KHDRBS3: variants seen among roughly 807,000 people sequenced by gnomAD.
KHDRBS3 encodes the protein KH RNA binding domain containing, signal transduction associated 3.
In KHDRBS3, 23 loss-of-function variants were observed where a neutral mutation model predicts 45.6. The ratio of observed to expected loss-of-function variants is 0.50; its 90% CI spans 0.36 to 0.72. The LOEUF (loss-of-function observed/expected upper bound fraction) is 0.72, where lower values mean the gene tolerates loss of function less well. Ranked by LOEUF, KHDRBS3 falls within the 30% of genes least tolerant of loss-of-function variation. KHDRBS3 has a pLI of 0.00. For synonymous variants in KHDRBS3, 162 were observed against 156.5 expected (o/e 1.04, Z -0.26); for missense variants, 352 against 424.8 (o/e 0.83, Z 1.51).
intron 5 of KHDRBS3, among the ~76,000 whole-genome samples, chr8:135,558,900 C>T (rs552557326): frequency 9.2e-5 from 14 of 152,216 alleles, no homozygotes; most frequent in South Asian, 2.1e-4. Context: ...TCCCTGGAGG[C>T]TCTAGGGGAG....
At position 135,608,974 on chromosome 8, in the gene KHDRBS3, G is replaced by A. The variant is rs547061206; in HGVS notation, c.890+1937G>A. On this transcript the variant is annotated intron_variant, in intron 7 of 8. Coordinates refer to ENST00000355849, the MANE Select transcript of KHDRBS3 (RefSeq NM_006558.3). ...AGGTCACTTACCATGAATGCAGCTC[G>A]AAGGACTGGAAGTTGCTCTTGGGTG... 3.1e-4 allele frequency among the ~76,000 whole-genome samples: 47 copies of A among 152,304 alleles called. 1 individual carries two copies. Among genetic ancestry groups the A allele is most frequent in the East Asian group, 9.7e-4 (5 of 5,176 alleles).
Position 135,542,636 on chromosome 8 carries a change from G to A in KHDRBS3, c.208-18G>A, listed in dbSNP as rs1554625598. ...TTCACATATAAATGCTACAAATTTG[G>A]TTGTTTATTTTTCCTAGTTCAACTT... On this transcript the variant is annotated intron_variant, in intron 2 of 8. Coordinates refer to ENST00000355849, the MANE Select transcript of KHDRBS3 (RefSeq NM_006558.3). 2.0e-6 allele frequency: 3 copies of A among 1,516,950 alleles called. No homozygotes were observed. The highest frequency in any genetic ancestry group is 2.7e-6 in the Non-Finnish European group (3 of 1,092,494). 94.0% of individuals were successfully genotyped at this position (1,516,950 alleles called of 1,614,324 possible). A position where few individuals can be genotyped will look rare whatever the true frequency, so the allele number is the denominator to read the frequency against.
chr8:135,457,991 T>C lies in KHDRBS3; in HGVS notation c.88+37T>C. 1 of 1,540,650 alleles carries C rather than the reference T, an allele frequency of 6.5e-7. No individual in the cohort carries two copies. Among genetic ancestry groups the C allele is most frequent in the Non-Finnish European group, 8.7e-7 (1 of 1,144,450 alleles). ...GCCGTTAACTGCCGGCCGGCGGCGG[T>C]TGGGGGCCGGGTGGAAACGCGGGGG... On this transcript the variant is annotated intron_variant, in intron 1 of 8. Coordinates refer to ENST00000355849, the MANE Select transcript of KHDRBS3 (RefSeq NM_006558.3). This position sits in a 1 kb window ranked among gnomAD's most constrained non-coding sequence, Gnocchi z 4.4.
chr8:135,475,212 A>G (rs1363690580), intron 1 of KHDRBS3, among the ~76,000 whole-genome samples: 1 of 152,198 alleles, frequency 6.6e-6, no homozygotes, highest in Non-Finnish European at 1.5e-5. Flanking sequence ...GGAGGTTAGT[A>G]TGTGGATGTC....
intron 2 of KHDRBS3, among the ~76,000 whole-genome samples, chr8:135,526,677 A>G (rs1825205736): frequency 6.6e-6 from 1 of 152,292 alleles, no homozygotes; most frequent in South Asian, 2.1e-4. Context: ...GGGGCAAGAG[A>G]GAACTACTGT....
rs1025460039 is a variant in KHDRBS3 at position 135,647,126 on chromosome 8, C to A, written c.*42C>A. ...TGTGAAATAGCCAATCTCCACCAGT[C>A]CTGTATACTGTTCAAAGTAATTTTT... is the stretch of plus-strand genomic sequence containing the variant. On this transcript the variant is annotated 3_prime_UTR_variant, in exon 9 of 9. Transcript: ENST00000355849. 5.1e-6 allele frequency: 5 copies of A among 984,802 alleles called. No individual in the cohort carries two copies. Among genetic ancestry groups the A allele is most frequent in the Non-Finnish European group, 8.0e-6 (5 of 625,740 alleles). The allele number at this position is 984,802 out of a possible 1,614,324, so 61.0% of individuals were successfully genotyped here. A position where few individuals can be genotyped will look rare whatever the true frequency, so the allele number is the denominator to read the frequency against.
At chr8:135,651,446 T>C (rs908420569), downstream of KHDRBS3, among the ~76,000 whole-genome samples, 2 of 152,108 alleles carry the variant, frequency 1.3e-5, no homozygotes, top group South Asian at 2.1e-4. Context: ...AACATGATCA[T>C]TGAGGAAACT....
At chr8:135,612,831 A>G (rs1325620535) in intron 7 of KHDRBS3, among the ~76,000 whole-genome samples, 4 of 151,870 alleles carry the variant, frequency 2.6e-5, no homozygotes, top group African/African-American at 9.7e-5. Context: ...GCCAGTCCAG[A>G]TTGAGATGTG....
intron 7 of KHDRBS3, among the ~76,000 whole-genome samples, chr8:135,642,552 A>G (rs1831105850): frequency 6.6e-6 from 1 of 152,146 alleles, no homozygotes; most frequent in Non-Finnish European, 1.5e-5. Flanking sequence ...AAAATTGCAC[A>G]TTGCTACTTG....
chr8:135,470,606 G>C (rs1007523339), intron 1 of KHDRBS3, among the ~76,000 whole-genome samples: 8 of 147,604 alleles, frequency 5.4e-5, no homozygotes, highest in Non-Finnish European at 8.9e-5. Context: ...CTTTCCCTGA[G>C]ACAGAGTCTT....
rs1008713801 is a variant in KHDRBS3 at position 135,575,157 on chromosome 8, G to A, written c.612-6721G>A. The stretch of plus-strand genomic sequence containing the variant: ...ATAGTCATTAAAGGTTTACCTGAGG[G>A]TGAGCTGACGAAAAAGTGTTATTTT... On this transcript the variant is annotated intron_variant, in intron 5 of 8. Coordinates refer to ENST00000355849, the MANE Select transcript of KHDRBS3 (RefSeq NM_006558.3). Among the ~76,000 whole-genome samples the A allele has an allele frequency of 2.4e-4, 36 of 152,302 alleles. 1 individual carries two copies. Among genetic ancestry groups the A allele is most frequent in the African/African-American group, 8.4e-4 (35 of 41,554 alleles).
chr8:135,527,732 G>A (rs1442498324), intron 2 of KHDRBS3, among the ~76,000 whole-genome samples: 2 of 152,026 alleles, frequency 1.3e-5, no homozygotes, highest in African/African-American at 4.8e-5. Flanking sequence ...ATAATGCTCT[G>A]TTTTAAGTGT....
At chr8:135,598,824 C>T (rs563602711) in intron 6 of KHDRBS3, among the ~76,000 whole-genome samples, 17 of 152,170 alleles carry the variant, frequency 1.1e-4, no homozygotes, top group African/African-American at 2.9e-4. Flanking sequence ...TTTAACGTTG[C>T]GTTTTATATG....
At chr8:135,513,910 G>C (rs2130603053) in intron 1 of KHDRBS3, among the ~76,000 whole-genome samples, 1 of 151,306 alleles carries the variant, frequency 6.6e-6, no homozygotes, top group South Asian at 2.1e-4. Flanking sequence ...GCTTCTGTTT[G>C]ACTCCTTTGT....
Position 135,645,043 on chromosome 8 carries a change from T to A in KHDRBS3, c.891-16T>A. The A allele has an allele frequency of 6.2e-7, 1 of 1,612,202 alleles. No individual in the cohort carries two copies. Among genetic ancestry groups the A allele is most frequent in the Non-Finnish European group, 8.5e-7 (1 of 1,179,802 alleles). ...CCAGATGATTTTGTCCTTTGTTTTGTTTTGATCACTTGCAGTGGTGCTGAT... is the reference window on the plus strand; with the variant it reads ...CCAGATGATTTTGTCCTTTGTTTTGATTTGATCACTTGCAGTGGTGCTGAT... On this transcript the variant is annotated splice_polypyrimidine_tract_variant and intron_variant, in intron 7 of 8. Coordinates refer to ENST00000355849, the MANE Select transcript of KHDRBS3 (RefSeq NM_006558.3).
chr8:135,635,790 T>A (rs950353677), intron 7 of KHDRBS3, among the ~76,000 whole-genome samples: 4 of 152,222 alleles, frequency 2.6e-5, no homozygotes, highest in African/African-American at 9.6e-5. Flanking sequence ...GCTGTATACT[T>A]GGGTTTTTTG....
At chr8:135,598,825 G>A (rs142819691) in intron 6 of KHDRBS3, among the ~76,000 whole-genome samples, 213 of 152,216 alleles carry the variant, frequency 1.4e-3, no homozygotes, top group Non-Finnish European at 1.7e-3. Flanking sequence ...TTAACGTTGC[G>A]TTTTATATGA....
intron 1 of KHDRBS3, among the ~76,000 whole-genome samples, chr8:135,496,105 A>G (rs1039095212): frequency 3.4e-5 from 5 of 148,548 alleles, no homozygotes; most frequent in African/African-American, 1.3e-4. Context: ...GCATTTAACT[A>G]CAGCTAGAGA....
chr8:135,573,331 AC>A (rs1442420220), intron 5 of KHDRBS3, among the ~76,000 whole-genome samples: 8 of 152,240 alleles, frequency 5.3e-5, no homozygotes, highest in Non-Finnish European at 1.2e-4. Context: ...CTCTTATCAG[AC>A]CACATTGCTG....
Sources: gnomAD v4.1 joint callset for allele counts (sites outside exome capture counted in the v4.1 genomes callset) on GRCh38, gnomAD v4.1.1 for gene constraint, Gnocchi (gnomAD v3.1) non-coding constraint, MANE v1.5 for transcripts, NCBI Gene and HGNC (gene_info 2026-07-23, HGNC 2026-07-21) for gene names.